MPPED2: variants seen among roughly 807,000 people sequenced by gnomAD.
The protein encoded by MPPED2 is metallophosphoesterase MPPED2.
MPPED2 carries 5 observed loss-of-function variants against 33.0 expected under a neutral mutation model. The observed-to-expected ratio is 0.15, with a 90% confidence interval of 0.08 to 0.32. MPPED2 has a LOEUF of 0.32. Ranked by LOEUF, MPPED2 falls within the 10% of genes least tolerant of loss-of-function variation. The pLI is 1.00. For synonymous variants in MPPED2, 136 were observed against 141.9 expected (o/e 0.96, Z 0.29); for missense variants, 275 against 372.1 (o/e 0.74, Z 2.15).
chr11:30,518,644 T>C (rs1229986513), intron 3 of MPPED2, among the ~76,000 whole-genome samples: 1 of 152,228 alleles, frequency 6.6e-6, no homozygotes, highest in African/African-American at 2.4e-5. Flanking sequence ...TAAAACTATT[T>C]AGCTATATGA....
intron 3 of MPPED2, among the ~76,000 whole-genome samples, chr11:30,535,617 A>T (rs915549419): frequency 6.6e-6 from 1 of 152,132 alleles, no homozygotes; most frequent in Non-Finnish European, 1.5e-5. Context: ...CTAGTAGGTC[A>T]TTTGTATATC....
At chr11:30,528,473 G>A (rs1480964840) in intron 3 of MPPED2, among the ~76,000 whole-genome samples, 1 of 152,072 alleles carries the variant, frequency 6.6e-6, no homozygotes, top group Non-Finnish European at 1.5e-5. Context: ...GCCCACGCTG[G>A]TCTCAAACTC....
chr11:30,580,585 G>T, intron 1 of MPPED2, 91 bp from the exon 2 acceptor site: 1 of 1,260,796 alleles, frequency 7.9e-7, no homozygotes, highest in Non-Finnish European at 1.0e-6. Context: ...CATGAAACTA[G>T]TTCAGGGAAA....
At chr11:30,442,799 C>T (rs767859957) in intron 4 of MPPED2, among the ~76,000 whole-genome samples, 13 of 152,122 alleles carry the variant, frequency 8.5e-5, no homozygotes, top group Non-Finnish European at 1.9e-4. Flanking sequence ...AGCTTGAGCT[C>T]GGGAGTTGGA....
intron 3 of MPPED2, among the ~76,000 whole-genome samples, chr11:30,506,935 G>A (rs1255268897): frequency 1.3e-5 from 2 of 152,186 alleles, no homozygotes; most frequent in South Asian, 2.1e-4. Flanking sequence ...CGTTAACAGC[G>A]CCACTGGGGC....
chr11:30,521,740 G>A (rs921095192), intron 3 of MPPED2, among the ~76,000 whole-genome samples: 3 of 152,164 alleles, frequency 2.0e-5, no homozygotes, highest in Non-Finnish European at 4.4e-5. Context: ...TATAACATCA[G>A]TCGTTTCCAC....
intron 2 of MPPED2, among the ~76,000 whole-genome samples, chr11:30,567,036 T>C (rs929969541): frequency 1.2e-4 from 18 of 152,156 alleles, no homozygotes; most frequent in African/African-American, 4.1e-4. Context: ...CTCTGGCACC[T>C]CTCAGTATCT....
Position 30,571,872 on chromosome 11 carries a change from A to G in MPPED2, c.128+8374T>C, listed in dbSNP as rs1346051242. ...AAAATCGAGTATGTTGCAAACACAA[A>G]CTACCTATTTCATTACAGCCTGTTT... On this transcript the variant is annotated intron_variant, in intron 2 of 6. Coordinates refer to ENST00000358117, the MANE Select transcript of MPPED2 (RefSeq NM_001584.3). Among the ~76,000 whole-genome samples, 4 of 152,194 alleles carry G rather than the reference A, an allele frequency of 2.6e-5. No homozygotes were observed. In the East Asian group the frequency reaches 7.7e-4, roughly 29 times the overall value.
intron 4 of MPPED2, among the ~76,000 whole-genome samples, chr11:30,473,191 T>C (rs570567926): frequency 1.3e-3 from 192 of 152,354 alleles, no homozygotes; most frequent in African/African-American, 4.5e-3. Context: ...ATTCTCTCTG[T>C]GGTGAACACT....
chr11:30,499,471 T>C (rs1398818139), intron 3 of MPPED2, among the ~76,000 whole-genome samples: 1 of 152,310 alleles, frequency 6.6e-6, no homozygotes, highest in East Asian at 1.9e-4. Context: ...GGATTTTGGA[T>C]TCTCATAGTA....
chr11:30,566,435 G>A (rs1370630645), intron 2 of MPPED2, among the ~76,000 whole-genome samples: 1 of 152,124 alleles, frequency 6.6e-6, no homozygotes, highest in Non-Finnish European at 1.5e-5. Flanking sequence ...AGAGATGATA[G>A]CATTAGTGTA....
At chr11:30,423,956 G>A (rs369297596) in intron 4 of MPPED2, among the ~76,000 whole-genome samples, 1 of 152,168 alleles carries the variant, frequency 6.6e-6, no homozygotes, top group African/African-American at 2.4e-5. Context: ...GACAGAGCCT[G>A]ATTTCCTCTG....
intron 3 of MPPED2, among the ~76,000 whole-genome samples, chr11:30,510,060 C>G (rs2134298011): frequency 6.6e-6 from 1 of 152,322 alleles, no homozygotes; most frequent in East Asian, 1.9e-4. Context: ...TCTGCCACTA[C>G]CAGCAAGTAT....
rs1482356255 is a variant in MPPED2 at position 30,535,983 on chromosome 11, T to A, written c.310+11A>T. On this transcript the variant is annotated intron_variant, in intron 3 of 6. Coordinates refer to ENST00000358117, the MANE Select transcript of MPPED2 (RefSeq NM_001584.3). ...GTTAATTGGGGCCGCCAGAACGCAA[T>A]CATTCCTTACCTAACCAGTCATTAA... 3 of 1,583,288 alleles carry A rather than the reference T, an allele frequency of 1.9e-6. No individual in the cohort carries two copies. Among genetic ancestry groups the A allele is most frequent in the Non-Finnish European group, 2.6e-6 (3 of 1,166,520 alleles).
At chr11:30,484,123 T>C (rs1951616491) in intron 4 of MPPED2, among the ~76,000 whole-genome samples, 1 of 152,204 alleles carries the variant, frequency 6.6e-6, no homozygotes, top group Non-Finnish European at 1.5e-5. Context: ...CCATTTTTTA[T>C]TTAATGTGAT....
intron 4 of MPPED2, among the ~76,000 whole-genome samples, chr11:30,468,272 T>A (rs1041773723): frequency 1.3e-5 from 2 of 150,830 alleles, no homozygotes; most frequent in Non-Finnish European, 3.0e-5. Flanking sequence ...TCTCTCTCTC[T>A]CTCTCTCTTT....
chr11:30,433,358 TA>T (rs1208821309), intron 4 of MPPED2, among the ~76,000 whole-genome samples: 1 of 152,216 alleles, frequency 6.6e-6, no homozygotes, highest in Non-Finnish European at 1.5e-5. Flanking sequence ...TTCACTTTTT[TA>T]AAATAATGGC....
chr11:30,442,184 T>C (rs1949606755), intron 4 of MPPED2, among the ~76,000 whole-genome samples: 1 of 152,118 alleles, frequency 6.6e-6, no homozygotes, highest in Non-Finnish European at 1.5e-5. Flanking sequence ...AGAAGAAAAT[T>C]CTGAAACTCC....
rs565747890 is a variant in MPPED2, at chr11:30,477,833, G to A, written c.536+17463C>T. The stretch of plus-strand genomic sequence containing the variant: ...TGATATCTACGGTGGACGGTAGCTC[G>A]GATCTCAGTTTAGACACTTTCAATC... On this transcript the variant is annotated intron_variant, in intron 4 of 6. Transcript: ENST00000358117. 4.6e-5 allele frequency among the ~76,000 whole-genome samples: 7 copies of A among 151,934 alleles called. No homozygotes were observed. The South Asian group carries it at 6.3e-4, about 14-fold the overall frequency.
Sources: allele counts gnomAD v4.1 joint callset (sites outside exome capture counted in the v4.1 genomes callset), GRCh38; gene constraint gnomAD v4.1.1; transcripts MANE v1.5; gene names NCBI Gene and HGNC (gene_info 2026-07-23, HGNC 2026-07-21).